Variants in KLF8 observed in about 807,000 individuals in gnomAD.
KLF8 encodes KLF transcription factor 8.
KLF8 carries 10 observed loss-of-function variants against 18.2 expected under a neutral mutation model. That is an observed-to-expected ratio of 0.55 (90% CI 0.34 to 0.93). The LOEUF (loss-of-function observed/expected upper bound fraction) is 0.93, where lower values mean the gene tolerates loss of function less well. Ranked by LOEUF, KLF8 falls within the 40% of genes least tolerant of loss-of-function variation. KLF8 has a pLI of 0.02. For missense variants in KLF8, 264 were observed against 277.9 expected (o/e 0.95, Z 0.36); for synonymous variants, 109 against 97.3 (o/e 1.12, Z -0.71).
chrX:56,131,595 A>G, the KLF8 span, among the ~76,000 whole-genome samples: 1 of 111,613 alleles, frequency 9.0e-6, no homozygotes, highest in African/African-American at 3.3e-5. Context: ...AAAGGTATTC[A>G]GGCACAAATA....
Position 56,233,251 on chromosome X carries a change from G to C in KLF8, c.-84G>C. The C allele has an allele frequency of 8.7e-7, 1 of 1,151,718 alleles. No homozygotes were observed. The highest frequency in any genetic ancestry group is 3.0e-5 in the East Asian group (1 of 33,293). 94.9% of individuals were successfully genotyped at this position (1,151,718 alleles called of 1,213,427 possible). On this transcript the variant is annotated 5_prime_UTR_variant, in exon 1 of 6. Coordinates refer to ENST00000468660, the MANE Select transcript of KLF8 (RefSeq NM_007250.5). ...GAATGGGGCGGGTGTGAGGGGAACA[G>C]CTCTCTTGCGATCAGCTCAGGAGTA... is the stretch of plus-strand genomic sequence containing the variant.
chrX:56,035,567 G>A, the KLF8 span, among the ~76,000 whole-genome samples: 1 of 112,165 alleles, frequency 8.9e-6, no homozygotes, highest in Non-Finnish European at 1.9e-5. Context: ...GTGGTACTAA[G>A]TTAAATTCTT....
the KLF8 span, among the ~76,000 whole-genome samples, chrX:55,954,518 TA>T: frequency 1.7e-4 from 19 of 111,373 alleles, no homozygotes; most frequent in Admixed American, 1.7e-3. Flanking sequence ...AGGATAGCCA[TA>T]ATAGAAAAAA....
At chrX:56,230,499 C>T (rs893247328), upstream of KLF8, among the ~76,000 whole-genome samples, 9 of 111,498 alleles carry the variant, frequency 8.1e-5, no homozygotes, top group African/African-American at 2.9e-4. Flanking sequence ...GGCAGGGGTG[C>T]AGGTCGTGGT....
the KLF8 span, among the ~76,000 whole-genome samples, chrX:55,936,334 AG>A: frequency 8.9e-6 from 1 of 112,611 alleles, no homozygotes; most frequent in Non-Finnish European, 1.9e-5. Context: ...AGACAAAAAA[AG>A]CAATTACACT....
At chrX:55,999,283 A>C in the KLF8 span, among the ~76,000 whole-genome samples, 1 of 17,658 alleles carries the variant, frequency 5.7e-5, no homozygotes, top group Admixed American at 3.1e-4. Flanking sequence ...TGATGCCTCC[A>C]GATTTTTTTT....
the KLF8 span, among the ~76,000 whole-genome samples, chrX:56,036,157 T>C: frequency 9.0e-6 from 1 of 111,687 alleles, no homozygotes; most frequent in Admixed American, 9.5e-5. Context: ...CATAGTAGTA[T>C]TTTGATACAT....
chrX:55,973,294 G>A, the KLF8 span, among the ~76,000 whole-genome samples: 1 of 111,554 alleles, frequency 9.0e-6, no homozygotes, highest in Admixed American at 9.5e-5. Flanking sequence ...CATAGGCCAT[G>A]GCAACGATTT....
the KLF8 span, among the ~76,000 whole-genome samples, chrX:56,180,829 G>C: frequency 6.2e-5 from 7 of 112,158 alleles, no homozygotes; most frequent in Admixed American, 9.5e-5. Context: ...CTGTGAGATA[G>C]TTTGTTATAG....
At chrX:56,008,784 GA>G in the KLF8 span, among the ~76,000 whole-genome samples, 3 of 112,285 alleles carry the variant, frequency 2.7e-5, no homozygotes, top group South Asian at 1.1e-3. Context: ...TTGGAACCAG[GA>G]GGAATTCTCC....
At chrX:56,175,614 C>A in the KLF8 span, among the ~76,000 whole-genome samples, 1 of 111,247 alleles carries the variant, frequency 9.0e-6, no homozygotes, top group Non-Finnish European at 1.9e-5. Context: ...TCTATTAGGT[C>A]CATTTGGTGC....
chrX:56,094,994 A>G, the KLF8 span, among the ~76,000 whole-genome samples: 1 of 111,495 alleles, frequency 9.0e-6, no homozygotes, highest in Non-Finnish European at 1.9e-5. Context: ...CGAAATTAGG[A>G]AAAACAATTG....
intron 5 of KLF8, among the ~76,000 whole-genome samples, chrX:56,283,864 A>G (rs763051351): frequency 8.9e-6 from 1 of 112,151 alleles, no homozygotes; most frequent in African/African-American, 3.2e-5. Context: ...GGGAGAAGTG[A>G]TTATATAAGA....
the KLF8 span, among the ~76,000 whole-genome samples, chrX:56,056,556 A>T: frequency 1.0e-5 from 1 of 98,709 alleles, no homozygotes; most frequent in East Asian, 3.3e-4. Context: ...AGAACAAAAA[A>T]CCAAACACCG....
the KLF8 span, among the ~76,000 whole-genome samples, chrX:56,077,661 T>C: frequency 8.9e-6 from 1 of 111,861 alleles, no homozygotes; most frequent in African/African-American, 3.3e-5. Flanking sequence ...TAAAGTAGTT[T>C]TTTCCAATTC....
chrX:55,954,591 G>C, the KLF8 span, among the ~76,000 whole-genome samples: 1 of 111,960 alleles, frequency 8.9e-6, no homozygotes, highest in Non-Finnish European at 1.9e-5. Context: ...TTGTGGAAAC[G>C]TAAAGTAGTC....
chrX:56,056,627 T>C, the KLF8 span, among the ~76,000 whole-genome samples: 1 of 68,585 alleles, frequency 1.5e-5, no homozygotes, highest in Non-Finnish European at 2.5e-5. Context: ...GGAAGGGGAA[T>C]ATCACACTCT....
At chrX:56,192,042 G>C in the KLF8 span, among the ~76,000 whole-genome samples, 1 of 111,721 alleles carries the variant, frequency 9.0e-6, no homozygotes, top group East Asian at 2.8e-4. Context: ...AATTATTCTT[G>C]TGTGCAGATG....
the KLF8 span, among the ~76,000 whole-genome samples, chrX:56,005,050 T>C: frequency 9.3e-6 from 1 of 107,945 alleles, no homozygotes; most frequent in African/African-American, 3.4e-5. Flanking sequence ...TTATTATTAT[T>C]ATTATTATTT....
Sources: allele counts gnomAD v4.1 joint callset (sites outside exome capture counted in the v4.1 genomes callset), GRCh38; gene constraint gnomAD v4.1.1; transcripts MANE v1.5; gene names NCBI Gene and HGNC (gene_info 2026-07-23, HGNC 2026-07-21).